The following ANKRD6 variants were observed in gnomAD, a reference collection of about 807,000 sequenced individuals.
ANKRD6 encodes ankyrin repeat domain-containing protein 6.
A neutral mutation model predicts 82.3 loss-of-function variants in ANKRD6; 56 were observed. The observed-to-expected ratio is 0.68, with a 90% CI of 0.55 to 0.85. The LOEUF (loss-of-function observed/expected upper bound fraction) is 0.85. ANKRD6 is among the 40% of genes least tolerant of loss of function. The probability of loss-of-function intolerance (pLI) is 0.00; values close to 1 mark genes in which losing one functional copy is unlikely to be tolerated. For missense variants in ANKRD6, 852 were observed against 907.6 expected, an observed-to-expected ratio of 0.94 and a Z score of 0.79; for synonymous variants, 347 against 352.1, an observed-to-expected ratio of 0.99 and a Z score of 0.16.
intron 2 of ANKRD6, among the ~76,000 whole-genome samples, chr6:89,585,206 C>G (rs1433707494): frequency 3.9e-5 from 6 of 152,132 alleles, no homozygotes; most frequent in African/African-American, 1.2e-4. Context: ...TTGAGGAAAA[C>G]TTTCTCAACA....
At chr6:89,542,518 C>T (rs1265023464) in intron 1 of ANKRD6, among the ~76,000 whole-genome samples, 3 of 152,098 alleles carry the variant, frequency 2.0e-5, no homozygotes, top group African/African-American at 2.4e-5. Context: ...CCCCGCTTCC[C>T]GAGACACAGG....
rs374587180 is a variant in ANKRD6 at position 89,624,625 on chromosome 6, G to A, written c.1305G>A (p.Glu435=). The change falls in exon 13 of 16, where the codon GAG becomes GAA. Residue 435 remains glutamate (E), a synonymous_variant. Transcript: ENST00000339746. ...CTACTGTGGAGGAGATAAAAGCAGA[G>A]CTGGGATCGGTTCAGGACAAAATGA... ...LEATVEEIKA[E]LGSVQDKMNT... is the part of the protein sequence containing the mutation. The A allele has an allele frequency of 2.5e-6, 4 of 1,582,558 alleles. No individual in the cohort carries two copies. Among genetic ancestry groups the A allele is most frequent in the Non-Finnish European group, 1.7e-6 (2 of 1,163,820 alleles).
chr6:89,630,051 T>C (rs1807013059), intron 15 of ANKRD6, among the ~76,000 whole-genome samples: 1 of 152,202 alleles, frequency 6.6e-6, no homozygotes, highest in South Asian at 2.1e-4. Context: ...CATATTCTCA[T>C]AGATAAATGT....
rs759129087 is a variant in ANKRD6, at chr6:89,616,540, A to G, written c.616-19A>G. On this transcript the variant is annotated intron_variant, in intron 7 of 15. Transcript: ENST00000339746. Reference sequence around the variant, plus strand: ...GCCATGAGCAGATGAGGTTTAGCAGACCTTCTAATCAATTCCAGGCTGGAG... The same window carrying G: ...GCCATGAGCAGATGAGGTTTAGCAGGCCTTCTAATCAATTCCAGGCTGGAG... The G allele has an allele frequency of 1.9e-6, 3 of 1,612,546 alleles. No homozygotes were observed. Among genetic ancestry groups the G allele is most frequent in the Non-Finnish European group, 2.5e-6 (3 of 1,178,688 alleles).
chr6:89,443,093 G>C (rs563497262), intron 1 of ANKRD6, among the ~76,000 whole-genome samples: 5 of 152,298 alleles, frequency 3.3e-5, no homozygotes, highest in Admixed American at 2.0e-4. Context: ...ACTAGAGTCA[G>C]ATTGGAAATT....
intron 9 of ANKRD6, chr6:89,618,434 G>A (rs894628404): frequency 2.2e-5 from 12 of 536,590 alleles, no homozygotes; most frequent in African/African-American, 2.1e-4. Flanking sequence ...CCCAGAGAAA[G>A]GCAGGAGGGA....
chr6:89,481,209 A>T (rs1334093315), intron 1 of ANKRD6, among the ~76,000 whole-genome samples: 1 of 152,132 alleles, frequency 6.6e-6, no homozygotes, highest in East Asian at 1.9e-4. Context: ...TAAAACAAAA[A>T]CGTAAAAACA....
intron 1 of ANKRD6, among the ~76,000 whole-genome samples, chr6:89,441,995 ATTTTTATT>A (rs1771456078): frequency 6.8e-6 from 1 of 147,950 alleles, no homozygotes; most frequent in Non-Finnish European, 1.5e-5. Flanking sequence ...GCTTGGTTTT[ATTTTTATT>A]TTTTTATTTT....
chr6:89,587,190 C>CAAAAAA (rs36065437), intron 2 of ANKRD6, among the ~76,000 whole-genome samples: 1 of 84,280 alleles, frequency 1.2e-5, no homozygotes, highest in African/African-American at 4.3e-5. Context: ...AACTCCGTCT[C>CAAAAAA]AAAAAAAAAA....
intron 1 of ANKRD6, among the ~76,000 whole-genome samples, chr6:89,548,319 T>A (rs1182164772): frequency 6.6e-6 from 1 of 152,214 alleles, no homozygotes; most frequent in Non-Finnish European, 1.5e-5. Context: ...TTTTACATAG[T>A]TTAATTTTTC....
chr6:89,507,111 C>T (rs146125135), intron 1 of ANKRD6, among the ~76,000 whole-genome samples: 117 of 152,272 alleles, frequency 7.7e-4, no homozygotes, highest in Admixed American at 6.4e-3. Context: ...TGATGACCAC[C>T]TCTGATATCT....
intron 1 of ANKRD6, among the ~76,000 whole-genome samples, chr6:89,476,973 C>G (rs964732505): frequency 9.2e-5 from 14 of 152,174 alleles, no homozygotes; most frequent in Non-Finnish European, 1.3e-4. Flanking sequence ...GAGACGGAGT[C>G]TCGTTCTGTC....
intron 1 of ANKRD6, among the ~76,000 whole-genome samples, chr6:89,490,505 G>T (rs1197142251): frequency 2.0e-5 from 3 of 152,224 alleles, no homozygotes; most frequent in Non-Finnish European, 4.4e-5. Flanking sequence ...AGGTGTGGGG[G>T]ATACAAAGAT....
intron 1 of ANKRD6, among the ~76,000 whole-genome samples, chr6:89,489,655 G>A (rs1329632763): frequency 6.6e-6 from 1 of 152,200 alleles, no homozygotes; most frequent in African/African-American, 2.4e-5. Context: ...ATGGGGATTT[G>A]GACAGTGCTG....
intron 4 of ANKRD6, among the ~76,000 whole-genome samples, chr6:89,605,439 C>T (rs1202333307): frequency 1.3e-5 from 2 of 152,280 alleles, no homozygotes; most frequent in East Asian, 3.9e-4. Flanking sequence ...TCACTGTTTC[C>T]TCAGTCCCTG....
Position 89,561,943 on chromosome 6 carries a change from G to A in ANKRD6, c.-143-4891G>A, listed in dbSNP as rs114029024. On this transcript the variant is annotated intron_variant, in intron 1 of 15. Transcript: ENST00000339746. ...GCCCCATTACCCTTGGGGAAATAGG[G>A]CAATGCTTTAGGACGGCAGGTGGTA... Among the ~76,000 whole-genome samples the A allele has an allele frequency of 2.5e-3, 374 of 152,282 alleles. 6 individuals are homozygous for A. Among genetic ancestry groups the A allele is most frequent in the African/African-American group, 8.6e-3 (359 of 41,552 alleles).
At chr6:89,552,823 G>T (rs2047945851) in intron 1 of ANKRD6, among the ~76,000 whole-genome samples, 2 of 152,132 alleles carry the variant, frequency 1.3e-5, no homozygotes, top group African/African-American at 2.4e-5. Context: ...CCTGCCTAGG[G>T]CCATGAAGCG....
At chr6:89,571,868 T>G (rs760443869) in intron 2 of ANKRD6, among the ~76,000 whole-genome samples, 3 of 152,230 alleles carry the variant, frequency 2.0e-5, no homozygotes, top group Non-Finnish European at 2.9e-5. Context: ...ACCAGTATAG[T>G]ATCATATAGA....
chr6:89,513,626 T>G (rs1035011809), intron 1 of ANKRD6, among the ~76,000 whole-genome samples: 2 of 152,268 alleles, frequency 1.3e-5, no homozygotes, highest in Non-Finnish European at 2.9e-5. Context: ...ACATTTTGGT[T>G]GTTTTACAGT....
Sources: gnomAD v4.1 joint callset for allele counts (sites outside exome capture counted in the v4.1 genomes callset) on GRCh38, gnomAD v4.1.1 for gene constraint, MANE v1.5 for transcripts, NCBI Gene and HGNC (gene_info 2026-07-23, HGNC 2026-07-21) for gene names.